The following LINGO2 variants were observed in gnomAD, a reference collection of about 807,000 sequenced individuals.
The protein encoded by LINGO2 is leucine-rich repeat and immunoglobulin-like domain-containing nogo receptor-interacting protein 2.
A neutral mutation model predicts 30.6 loss-of-function variants in LINGO2; 14 were observed. That is an observed-to-expected ratio of 0.46 (90% CI 0.30 to 0.72). The LOEUF (loss-of-function observed/expected upper bound fraction) is 0.72. LINGO2 is among the 30% of genes least tolerant of loss of function. The pLI is 0.07. For missense variants in LINGO2, 729 were observed against 751.7 expected, an observed-to-expected ratio of 0.97 and a Z score of 0.35; for synonymous variants, 317 against 288.5, an observed-to-expected ratio of 1.10 and a Z score of -1.00.
At chr9:28,111,959 G>A (rs917245511) in intron 4 of LINGO2, among the ~76,000 whole-genome samples, 1 of 148,224 alleles carries the variant, frequency 6.7e-6, no homozygotes, top group Non-Finnish European at 1.5e-5. Flanking sequence ...TGCACATTGT[G>A]CAGGTTAGTT....
chr9:29,212,891 C>A, the LINGO2 span, among the ~76,000 whole-genome samples: 1 of 152,182 alleles, frequency 6.6e-6, no homozygotes, highest in Non-Finnish European at 1.5e-5. Context: ...TTGTCTCTGG[C>A]AATTCAAGCA....
At position 28,593,149 on chromosome 9, in the gene LINGO2, C is replaced by T. The variant is rs146790937; in HGVS notation, c.-365+77051G>A. ...CAACAAATCAAGAAGTCAGTTGATT[C>T]GAAGGCTATATTGTGCAATGATTAG... is the stretch of plus-strand genomic sequence containing the variant. On this transcript the variant is annotated intron_variant, in intron 1 of 5. Transcript: ENST00000379992. Among the ~76,000 whole-genome samples the T allele has an allele frequency of 5.3e-4, 80 of 152,054 alleles. 1 individual carries two copies. The East Asian group carries it at 0.014, about 26-fold the overall frequency.
intron 1 of LINGO2, among the ~76,000 whole-genome samples, chr9:28,618,919 T>C (rs1025654770): frequency 1.3e-5 from 2 of 152,190 alleles, no homozygotes; most frequent in African/African-American, 4.8e-5. Context: ...TAATTCTACC[T>C]ACCTGTCAGG....
chr9:28,741,574 C>A, the LINGO2 span, among the ~76,000 whole-genome samples: 5 of 151,882 alleles, frequency 3.3e-5, no homozygotes, highest in African/African-American at 9.7e-5. Context: ...GTTGTGGGGG[C>A]GCTGGTCCAG....
chr9:28,021,688 A>G (rs927736245), intron 4 of LINGO2, among the ~76,000 whole-genome samples: 42 of 152,130 alleles, frequency 2.8e-4, no homozygotes, highest in African/African-American at 9.9e-4. Flanking sequence ...GTACACATAC[A>G]TCTTGGATTG....
At chr9:28,032,126 A>T (rs146602789) in intron 4 of LINGO2, among the ~76,000 whole-genome samples, 2 of 152,164 alleles carry the variant, frequency 1.3e-5, no homozygotes, top group African/African-American at 4.8e-5. Flanking sequence ...TGGCCTTTGA[A>T]AACCGATTGC....
chr9:29,082,101 A>G, the LINGO2 span, among the ~76,000 whole-genome samples: 1 of 152,108 alleles, frequency 6.6e-6, no homozygotes, highest in African/African-American at 2.4e-5. Context: ...ATGGAACCAA[A>G]AAAGAGCCTG....
At chr9:28,555,045 G>A (rs1489602861) in intron 1 of LINGO2, among the ~76,000 whole-genome samples, 2 of 139,372 alleles carry the variant, frequency 1.4e-5, no homozygotes, top group Non-Finnish European at 3.0e-5. Flanking sequence ...GAGAAAGCAG[G>A]AAGGATCCAA....
intron 2 of LINGO2, among the ~76,000 whole-genome samples, chr9:28,461,671 T>C (rs750351067): frequency 6.6e-6 from 1 of 152,158 alleles, no homozygotes; most frequent in Non-Finnish European, 1.5e-5. Flanking sequence ...AATGTCATTG[T>C]TGTTTTTATT....
At chr9:28,949,089 T>C in the LINGO2 span, among the ~76,000 whole-genome samples, 15 of 151,798 alleles carry the variant, frequency 9.9e-5, no homozygotes, top group Non-Finnish European at 2.1e-4. Context: ...TGTTGTCTCG[T>C]AGCTGCAAAC....
chr9:28,229,090 C>T (rs1027047241), intron 4 of LINGO2, among the ~76,000 whole-genome samples: 2 of 151,750 alleles, frequency 1.3e-5, no homozygotes, highest in Admixed American at 1.3e-4. Context: ...TCATTCTCTT[C>T]TGAGAGTAAA....
chr9:28,018,634 A>C (rs1822960083), intron 4 of LINGO2, among the ~76,000 whole-genome samples: 1 of 152,202 alleles, frequency 6.6e-6, no homozygotes, highest in South Asian at 2.1e-4. Flanking sequence ...AATACAAACC[A>C]CAATGAGTTA....
chr9:28,555,124 G>T (rs2135521909), intron 1 of LINGO2, among the ~76,000 whole-genome samples: 1 of 130,058 alleles, frequency 7.7e-6, no homozygotes, highest in East Asian at 2.3e-4. Context: ...AAAGCTAGCA[G>T]AAGGCAAGAA....
chr9:28,394,273 T>G (rs891940622), intron 2 of LINGO2, among the ~76,000 whole-genome samples: 22 of 152,192 alleles, frequency 1.4e-4, no homozygotes, highest in Admixed American at 1.2e-3. Context: ...GGCCTTTTTC[T>G]GATGGAGGAC....
the LINGO2 span, among the ~76,000 whole-genome samples, chr9:28,675,863 T>A: frequency 7.1e-6 from 1 of 139,882 alleles, no homozygotes; most frequent in African/African-American, 2.6e-5. Flanking sequence ...AGAGCAAGAC[T>A]CCATTTCAAA....
At position 28,258,921 on chromosome 9, in the gene LINGO2, CA is replaced by C. The variant is rs36088138; in HGVS notation, c.-87+36286del. ...ATGGTGCAGTGAATATTTCATAAGT[CA>C]AAAAAAAAAACATTAAGTTTCAAGG... On this transcript the variant is annotated intron_variant, in intron 4 of 5. Transcript: ENST00000379992. 4.3e-3 allele frequency among the ~76,000 whole-genome samples: 630 copies of C among 146,336 alleles called. 9 individuals are homozygous for C. Among genetic ancestry groups the C allele is most frequent in the Admixed American group, 0.03 (439 of 14,608 alleles).
chr9:28,832,099 C>G, the LINGO2 span, among the ~76,000 whole-genome samples: 3 of 152,032 alleles, frequency 2.0e-5, no homozygotes, highest in African/African-American at 7.2e-5. Flanking sequence ...ACTTGCTCAC[C>G]TTAACAGAAA....
chr9:28,479,908 TAG>T (rs1431021738), intron 1 of LINGO2, among the ~76,000 whole-genome samples: 203 of 69,284 alleles, frequency 2.9e-3, no homozygotes, highest in Middle Eastern at 8.1e-3. Flanking sequence ...TATATATACG[TAG>T]GTATATATAT....
chr9:28,369,834 T>A (rs1311401490), intron 3 of LINGO2, among the ~76,000 whole-genome samples: 3 of 152,214 alleles, frequency 2.0e-5, no homozygotes, highest in Non-Finnish European at 4.4e-5. Context: ...TGATCACCTT[T>A]AATGATCTTT....
Sources: allele counts gnomAD v4.1 joint callset (sites outside exome capture counted in the v4.1 genomes callset), GRCh38; gene constraint gnomAD v4.1.1; transcripts MANE v1.5; gene names NCBI Gene and HGNC (gene_info 2026-07-23, HGNC 2026-07-21).